SLC27A4: variants seen among roughly 807,000 people sequenced by gnomAD.
SLC27A4 encodes solute carrier family 27 member 4, also known as long-chain fatty acid transport protein 4.
Under a neutral mutation model 64.4 loss-of-function variants are expected in SLC27A4, and 33 were observed. The observed-to-expected ratio is 0.51, with a 90% CI of 0.39 to 0.68. The LOEUF (loss-of-function observed/expected upper bound fraction) is 0.68. Ranked by LOEUF, SLC27A4 falls within the 30% of genes least tolerant of loss-of-function variation. The pLI is 0.00. For missense variants in SLC27A4, 824 were observed against 883.5 expected, an observed-to-expected ratio of 0.93 and a Z score of 0.85; for synonymous variants, 377 against 370.0, an observed-to-expected ratio of 1.02 and a Z score of -0.22.
intron 3 of SLC27A4, among the ~76,000 whole-genome samples, chr9:128,347,013 A>G (rs1832667877): frequency 6.6e-6 from 1 of 152,148 alleles, no homozygotes; most frequent in Non-Finnish European, 1.5e-5. Context: ...TCAAAAAAAA[A>G]GATACTTACC....
intron 1 of SLC27A4, chr9:128,342,201 G>A (rs778765953): frequency 8.9e-6 from 14 of 1,570,938 alleles, no homozygotes; most frequent in Admixed American, 1.7e-5. Context: ...GCTCGTTCTC[G>A]CATGCCTCGC....
chr9:128,341,757 G>C (rs1027793024), intron 1 of SLC27A4, among the ~76,000 whole-genome samples: 8 of 151,176 alleles, frequency 5.3e-5, no homozygotes, highest in Non-Finnish European at 1.2e-4. Context: ...TTCTTTTTTT[G>C]AGACGGAGTC....
chr9:128,347,631 G>A (rs763964849), intron 3 of SLC27A4, among the ~76,000 whole-genome samples: 26 of 151,158 alleles, frequency 1.7e-4, no homozygotes, highest in Non-Finnish European at 2.9e-4. Context: ...GGAGGCTGAG[G>A]CACAAGAATC....
intron 4 of SLC27A4, 98 bp from the exon 5 acceptor site, chr9:128,350,214 C>A: frequency 1.1e-6 from 1 of 914,200 alleles, no homozygotes; most frequent in Non-Finnish European, 1.8e-6. Context: ...GTGATGGGAA[C>A]AGGTGTTGAA....
rs867728194 is a variant in SLC27A4 at position 128,360,545 on chromosome 9, C to T, written c.*54C>T. The T allele has an allele frequency of 8.5e-5, 136 of 1,599,272 alleles. No homozygotes were observed. Among genetic ancestry groups the T allele is most frequent in the East Asian group, 2.9e-4 (13 of 44,732 alleles). ...ATGCTGGATCCGGAGCCCCAGGTTC[C>T]GCCCCAGAGCGGTCCTGGACAAGGC... On this transcript the variant is annotated 3_prime_UTR_variant, in exon 13 of 13. Transcript: ENST00000300456.
intron 2 of SLC27A4, among the ~76,000 whole-genome samples, chr9:128,344,209 C>G (rs993004130): frequency 6.6e-6 from 1 of 152,098 alleles, no homozygotes; most frequent in African/African-American, 2.4e-5. Context: ...GAAGGCACAG[C>G]ATCAGCAACA....
intron 4 of SLC27A4, among the ~76,000 whole-genome samples, chr9:128,349,827 C>G (rs1832707774): frequency 6.6e-6 from 1 of 152,208 alleles, no homozygotes; most frequent in African/African-American, 2.4e-5. Flanking sequence ...GAAGCTACCT[C>G]AACACCCCAC....
intron 4 of SLC27A4, 78 bp from the exon 5 acceptor site, chr9:128,350,234 C>A (rs904739181): frequency 3.4e-6 from 4 of 1,187,438 alleles, no homozygotes; most frequent in Non-Finnish European, 5.0e-6. Context: ...AGGGTGCACA[C>A]CTGCAGGTGT....
At chr9:128,359,475 A>C (rs189726782) in intron 12 of SLC27A4, among the ~76,000 whole-genome samples, 4 of 152,128 alleles carry the variant, frequency 2.6e-5, no homozygotes, top group Non-Finnish European at 5.9e-5. Context: ...AATACAAAAA[A>C]TTAGCTGGGC....
At chr9:128,340,889 C>A in intron 1 of SLC27A4, 51 bp downstream of exon 1, 1 of 551,796 alleles carries the variant, frequency 1.8e-6, no homozygotes, top group Non-Finnish European at 3.3e-6. Context: ...TGTGCCAGGC[C>A]GAGTCGGGCG....
chr9:128,343,355 A>T (rs1030443800), intron 2 of SLC27A4, 62 bp downstream of exon 2: 18 of 1,594,120 alleles, frequency 1.1e-5, no homozygotes, highest in Middle Eastern at 1.7e-4. Flanking sequence ...CTGGTCCCCC[A>T]AATCTCCCCA....
In SLC27A4 at chr9:128,345,551, T is replaced by G. The variant is rs368207076; in HGVS notation, c.556+2T>G. On this transcript the variant is annotated splice_donor_variant, in intron 3 of 12. Transcript: ENST00000300456. LOFTEE classifies it high-confidence loss of function. This position sits in a 1 kb window ranked among gnomAD's most constrained non-coding sequence, Gnocchi z 4.1. The stretch of plus-strand genomic sequence containing the variant: ...TCTTTGGCAGCGAAATGGCCTCAGG[T>G]GAGCCCCAAGGGGGCGGGGGACAAG... The G allele has an allele frequency of 8.7e-6, 14 of 1,601,716 alleles. No homozygotes were observed. Among genetic ancestry groups the G allele is most frequent in the African/African-American group, 2.7e-5 (2 of 74,840 alleles).
intron 9 of SLC27A4, among the ~76,000 whole-genome samples, chr9:128,354,439 A>G (rs1832786876): frequency 6.6e-6 from 1 of 152,166 alleles, no homozygotes; most frequent in South Asian, 2.1e-4. Context: ...TTCATAAAGA[A>G]CATAAAACTC....
rs757846177 is a variant in SLC27A4 at position 128,353,453 on chromosome 9, C to T, written c.1236C>T (p.Phe412=). 41 of 1,614,072 alleles carry T rather than the reference C, an allele frequency of 2.5e-5. No individual in the cohort carries two copies. The South Asian group carries it at 3.2e-4, about 13-fold the overall frequency. ...GTTTCAATAGCCGCATCCTGTCCTTCGTGTACCCCATCCGGTTGGTACGTG... is the reference window on the plus strand; with the variant it reads ...GTTTCAATAGCCGCATCCTGTCCTTTGTGTACCCCATCCGGTTGGTACGTG... ...ACGFNSRILS[F]VYPIRLVRVN... Residue 412 remains phenylalanine, a synonymous_variant, in exon 9 of 13, where the codon TTC becomes TTT. Transcript: ENST00000300456. The surrounding 1 kb of genome is among the most constrained non-coding windows in gnomAD (Gnocchi z 4.9).
intron 9 of SLC27A4, among the ~76,000 whole-genome samples, chr9:128,354,261 A>G (rs1312171981): frequency 1.3e-5 from 2 of 152,054 alleles, no homozygotes; most frequent in East Asian, 3.9e-4. Flanking sequence ...ATTCATTTTC[A>G]TATTGACTCC....
intron 1 of SLC27A4, 105 bp from the exon 2 acceptor site, chr9:128,343,022 C>T (rs1234328656): frequency 4.2e-6 from 6 of 1,440,366 alleles, no homozygotes; most frequent in African/African-American, 2.8e-5. Flanking sequence ...TAAGCCTTAC[C>T]ACAGGCTGTC....
intron 1 of SLC27A4, among the ~76,000 whole-genome samples, chr9:128,341,500 C>G (rs1331164780): frequency 6.6e-6 from 1 of 152,152 alleles, no homozygotes; most frequent in Non-Finnish European, 1.5e-5. Context: ...GTGGTGGTGT[C>G]TTCAAGGTCC....
In SLC27A4 at chr9:128,345,205, A is replaced by G. The variant is rs2131253198; in HGVS notation, c.212A>G (p.Gln71Arg). ...KVKAKVRQCL[Q>R]ERRTVPILFA... ...AAGGCAAAGGTGCGACAGTGCCTGC[A>G]GGAGCGGCGGACAGTGCCCATTTTG... Residue 71 changes from glutamine (Q) to arginine (R), a missense_variant, in exon 3 of 13, where the codon CAG (glutamine) becomes CGG (arginine). Transcript: ENST00000300456. The surrounding 1 kb of genome is among the most constrained non-coding windows in gnomAD (Gnocchi z 4.1). The G allele has an allele frequency of 6.2e-7, 1 of 1,613,650 alleles. No individual in the cohort carries two copies. The highest frequency in any genetic ancestry group is 8.5e-7 in the Non-Finnish European group (1 of 1,180,016).
At chr9:128,350,970 G>A (rs1330393156) in intron 6 of SLC27A4, among the ~76,000 whole-genome samples, 4 of 152,228 alleles carry the variant, frequency 2.6e-5, no homozygotes, top group Non-Finnish European at 5.9e-5. Context: ...GCTCATGCCT[G>A]TAGGCCCAGC....
Sources: gnomAD v4.1 joint callset for allele counts (sites outside exome capture counted in the v4.1 genomes callset) on GRCh38, gnomAD v4.1.1 for gene constraint, Gnocchi (gnomAD v3.1) non-coding constraint, MANE v1.5 for transcripts, NCBI Gene and HGNC (gene_info 2026-07-23, HGNC 2026-07-21) for gene names.